The following CLTCL1 variants were observed in gnomAD, a reference collection of about 807,000 sequenced individuals.
The protein encoded by CLTCL1 is clathrin heavy chain 2.
A neutral mutation model predicts 190.0 loss-of-function variants in CLTCL1; 159 were observed. The observed-to-expected ratio is 0.84, with a 90% CI of 0.74 to 0.95. CLTCL1 has a LOEUF of 0.95. CLTCL1 is among the 40% of genes least tolerant of loss of function. The pLI is 0.00. For synonymous variants in CLTCL1, 752 were observed against 769.6 expected (o/e 0.98, Z 0.38); for missense variants, 1,878 against 2,033.4 (o/e 0.92, Z 1.47).
At chr22:19,270,342 T>C (rs1295604757) in intron 2 of CLTCL1, among the ~76,000 whole-genome samples, 4 of 151,992 alleles carry the variant, frequency 2.6e-5, no homozygotes, top group African/African-American at 4.8e-5. Context: ...TAAACAGGCA[T>C]GAGGAAACTT....
chr22:19,196,941 T>A (rs1275462364), intron 24 of CLTCL1, among the ~76,000 whole-genome samples: 2 of 151,910 alleles, frequency 1.3e-5, no homozygotes, highest in Admixed American at 1.3e-4. Flanking sequence ...GAAAAAAAAA[T>A]AGGAAGTGGG....
At chr22:19,283,332 G>A (rs1454901025) in intron 1 of CLTCL1, among the ~76,000 whole-genome samples, 1 of 151,834 alleles carries the variant, frequency 6.6e-6, no homozygotes, top group Non-Finnish European at 1.5e-5. Context: ...CAAGGCTGGA[G>A]TGCAGTGGTG....
intron 29 of CLTCL1, chr22:19,184,346 C>A (rs1054325451): frequency 2.5e-6 from 1 of 405,638 alleles, no homozygotes; most frequent in Non-Finnish European, 5.0e-6. Flanking sequence ...TCCAGGGATA[C>A]CCTGTGGCGG....
At chr22:19,275,180 C>T (rs2146289297) in intron 2 of CLTCL1, among the ~76,000 whole-genome samples, 1 of 152,240 alleles carries the variant, frequency 6.6e-6, no homozygotes, top group East Asian at 1.9e-4. Context: ...CCCAAGACTC[C>T]CTGATTTCAA....
In CLTCL1 at chr22:19,192,932, C is replaced by T. The variant is rs532115820; in HGVS notation, c.4192-1497G>A. On this transcript the variant is annotated intron_variant, in intron 26 of 32. Transcript: ENST00000427926. ...CCTTCTAGGCTGGCCCTTTACTCAGCAGCAGGGCCAGGACATGGGGGCCTC... is the reference window on the plus strand; with the variant it reads ...CCTTCTAGGCTGGCCCTTTACTCAGTAGCAGGGCCAGGACATGGGGGCCTC... Among the ~76,000 whole-genome samples the T allele has an allele frequency of 4.1e-4, 63 of 152,354 alleles. 2 individuals carry two copies. In the South Asian group the frequency reaches 0.013, roughly 32 times the overall value.
At chr22:19,275,477 A>G (rs958491219) in intron 2 of CLTCL1, 146 bp downstream of exon 2, 7 of 846,606 alleles carry the variant, frequency 8.3e-6, no homozygotes, top group African/African-American at 5.1e-5. Context: ...CACACTAAAC[A>G]TAACTTTTGC....
At chr22:19,276,456 G>A (rs556996435) in intron 1 of CLTCL1, among the ~76,000 whole-genome samples, 1 of 152,290 alleles carries the variant, frequency 6.6e-6, no homozygotes, top group African/African-American at 2.4e-5. Flanking sequence ...CTACTACTGT[G>A]TAAACTGAAA....
chr22:19,188,096 C>T lies in CLTCL1; in HGVS notation c.4324-5G>A, dbSNP rs1555929394. 2 of 1,613,746 alleles carry T rather than the reference C, an allele frequency of 1.2e-6. No homozygotes were observed. Among genetic ancestry groups the T allele is most frequent in the Non-Finnish European group, 1.7e-6 (2 of 1,179,764 alleles). Reference sequence around the variant, plus strand: ...CACCAGGGGCAGCTGACCTGCCTGACAAGTTGAGGGAACCGTCAAGGCACT... The same window carrying T: ...CACCAGGGGCAGCTGACCTGCCTGATAAGTTGAGGGAACCGTCAAGGCACT... On this transcript the variant is annotated splice_polypyrimidine_tract_variant and splice_region_variant and intron_variant, in intron 27 of 32. Coordinates refer to ENST00000427926, the MANE Select transcript of CLTCL1 (RefSeq NM_007098.4).
chr22:19,183,318 C>T (rs113585066), intron 30 of CLTCL1, 72 bp downstream of exon 30: 24 of 1,369,718 alleles, frequency 1.8e-5, no homozygotes, highest in Non-Finnish European at 2.1e-5. Flanking sequence ...TTAAGACCTG[C>T]GGCCAGAGTC....
At position 19,239,315 on chromosome 22, in the gene CLTCL1, A is replaced by G. The variant is rs782739336; in HGVS notation, c.755T>C (p.Phe252Ser). 6.2e-7 allele frequency: 1 copy of G among 1,614,040 alleles called. No individual in the cohort carries two copies. Among genetic ancestry groups the G allele is most frequent in the Admixed American group, 1.7e-5 (1 of 60,014 alleles). The change falls in exon 5 of 33, where the codon TTT becomes TCT. Residue 252 changes from phenylalanine to serine, a missense_variant. Physicochemically the swap from Phe to Ser is radical, Grantham distance 155. Coordinates refer to ENST00000427926, the MANE Select transcript of CLTCL1 (RefSeq NM_007098.4). ...PFVKKAVDVF[F>S]PPEAQNDFPV... ...AAAATCATTCTGTGCCTCTGGAGGA[A>G]AAAACACATCTACTGCTTTCTTTAC...
At chr22:19,199,640 T>C in intron 24 of CLTCL1, 94 bp downstream of exon 24, 1 of 863,646 alleles carries the variant, frequency 1.2e-6, no homozygotes, top group South Asian at 1.8e-5. Context: ...TGCAACACTG[T>C]GATGGTCACG....
intron 30 of CLTCL1, chr22:19,181,067 G>T: frequency 1.9e-6 from 1 of 531,864 alleles, no homozygotes; most frequent in African/African-American, 1.9e-5. Flanking sequence ...GGGCACTGGG[G>T]CAGTCAGTTG....
chr22:19,289,533 G>T (rs1332806967), intron 1 of CLTCL1, among the ~76,000 whole-genome samples: 1 of 152,162 alleles, frequency 6.6e-6, no homozygotes, highest in African/African-American at 2.4e-5. Flanking sequence ...CACTAAAGCA[G>T]CTCTTTCATG....
At chr22:19,183,155 G>A (rs1601421733) in intron 30 of CLTCL1, 1 of 515,114 alleles carries the variant, frequency 1.9e-6, no homozygotes, top group South Asian at 2.0e-5. Context: ...AGAGTCTACA[G>A]GAGGGCTGCT....
chr22:19,180,061 C>T, intron 32 of CLTCL1, 92 bp from the exon 33 acceptor site: 2 of 719,290 alleles, frequency 2.8e-6, no homozygotes, highest in Non-Finnish European at 4.8e-6. Context: ...GCCCAGGGAG[C>T]AGGGTCTATA....
At chr22:19,208,106 G>A in intron 22 of CLTCL1, 48 bp downstream of exon 22, 3 of 1,610,586 alleles carry the variant, frequency 1.9e-6, no homozygotes, top group Non-Finnish European at 2.5e-6. Flanking sequence ...AACATCCCTG[G>A]ACCTAAATCT....
chr22:19,236,110 C>T (rs1316280068), intron 5 of CLTCL1, among the ~76,000 whole-genome samples: 1 of 152,206 alleles, frequency 6.6e-6, no homozygotes, highest in Non-Finnish European at 1.5e-5. Flanking sequence ...CAAGTGTGAG[C>T]TGCCACACCT....
chr22:19,231,823 TA>T (rs1480091841), intron 10 of CLTCL1, among the ~76,000 whole-genome samples: 6 of 152,216 alleles, frequency 3.9e-5, no homozygotes, highest in African/African-American at 1.4e-4. Context: ...GAAAGCTAAG[TA>T]AATTTGTCTC....
chr22:19,278,064 C>A lies in CLTCL1; in HGVS notation c.43-2234G>T, dbSNP rs117681843. Among the ~76,000 whole-genome samples, 340 of 152,200 alleles carry A rather than the reference C, an allele frequency of 2.2e-3. 11 individuals are homozygous for A. In the East Asian group the frequency reaches 0.058, roughly 26 times the overall value. Reference sequence around the variant, plus strand: ...CTGATGAACCGCCAGATGGAAGAGGCGCATAGAGAAAGGCGCGAGGGGTGT... The same window carrying A: ...CTGATGAACCGCCAGATGGAAGAGGAGCATAGAGAAAGGCGCGAGGGGTGT... On this transcript the variant is annotated intron_variant, in intron 1 of 32. Coordinates refer to ENST00000427926, the MANE Select transcript of CLTCL1 (RefSeq NM_007098.4).
Sources: allele counts gnomAD v4.1 joint callset (sites outside exome capture counted in the v4.1 genomes callset), GRCh38; gene constraint gnomAD v4.1.1; transcripts MANE v1.5; gene names NCBI Gene and HGNC (gene_info 2026-07-23, HGNC 2026-07-21).